Variants in AGMO observed in about 807,000 individuals in gnomAD.
The protein encoded by AGMO is alkylglycerol monooxygenase, also known as glyceryl-ether monooxygenase.
AGMO carries 75 observed loss-of-function variants against 60.2 expected under a neutral mutation model. The observed-to-expected ratio is 1.25, with a 90% confidence interval of 1.03 to 1.51. AGMO has a LOEUF of 1.51. Among genes scored for constraint, AGMO ranks in the 40% most tolerant of loss-of-function variants. The pLI, the probability that AGMO is intolerant of heterozygous loss-of-function variation, is 0.00. For synonymous variants in AGMO, 261 were observed against 177.1 expected (o/e 1.47, Z -3.76); for missense variants, 763 against 525.5 (o/e 1.45, Z -4.42).
chr7:15,328,395 C>G (rs116468535), intron 12 of AGMO, among the ~76,000 whole-genome samples: 1,547 of 152,276 alleles, frequency 0.01, 30 homozygotes, highest in African/African-American at 0.036. Flanking sequence ...CCACGCCCAG[C>G]CTGATTTCTT....
chr7:15,548,350 A>G (rs959232972), intron 2 of AGMO, among the ~76,000 whole-genome samples: 12 of 152,020 alleles, frequency 7.9e-5, no homozygotes, highest in Admixed American at 1.3e-4. Flanking sequence ...AGAAGGCTTC[A>G]GACGATCAAA....
chr7:15,159,968 C>T, the AGMO span, among the ~76,000 whole-genome samples: 7 of 152,258 alleles, frequency 4.6e-5, no homozygotes, highest in Admixed American at 1.3e-4. Context: ...CTACTGGGCA[C>T]TGGAAGCTAA....
chr7:15,556,739 A>G (rs1160774934), intron 2 of AGMO, among the ~76,000 whole-genome samples: 1 of 152,108 alleles, frequency 6.6e-6, no homozygotes, highest in Non-Finnish European at 1.5e-5. Flanking sequence ...TTTGGTAAAT[A>G]TTTTGTTAAA....
chr7:15,423,691 G>A (rs1305492916), intron 4 of AGMO, among the ~76,000 whole-genome samples: 2 of 152,184 alleles, frequency 1.3e-5, no homozygotes, highest in African/African-American at 4.8e-5. Flanking sequence ...ATTTAGACAC[G>A]GAGATAGACA....
At chr7:15,558,366 G>T (rs575710545) in intron 2 of AGMO, among the ~76,000 whole-genome samples, 2 of 152,044 alleles carry the variant, frequency 1.3e-5, no homozygotes, top group African/African-American at 4.8e-5. Flanking sequence ...CAGTTATTGG[G>T]TGACGTTTAT....
At chr7:15,202,243 C>G (rs1781309358) in intron 12 of AGMO, among the ~76,000 whole-genome samples, 2 of 151,878 alleles carry the variant, frequency 1.3e-5, no homozygotes, top group East Asian at 3.9e-4. Context: ...AAGAATATCA[C>G]TATACCTGGA....
chr7:15,354,439 TACACAC>T (rs1782414980), intron 12 of AGMO, among the ~76,000 whole-genome samples: 1 of 20,824 alleles, frequency 4.8e-5, no homozygotes, highest in Non-Finnish European at 7.5e-5. Flanking sequence ...CGTGTGTGTA[TACACAC>T]GTGTGTGTAT....
chr7:15,344,542 A>T (rs1238268897), intron 12 of AGMO, among the ~76,000 whole-genome samples: 4 of 152,118 alleles, frequency 2.6e-5, no homozygotes, highest in Admixed American at 2.6e-4. Context: ...TACCAAAAAT[A>T]CAAAAATTAG....
Position 15,337,451 on chromosome 7 carries a change from G to T in AGMO, c.1263+28063C>A, listed in dbSNP as rs1202704253. The stretch of plus-strand genomic sequence containing the variant: ...GGTCTGGTAGCCTTGCACAACTCAA[G>T]GAGACACTTGAAATCAATCCCAGCT... On this transcript the variant is annotated intron_variant, in intron 12 of 12. Transcript: ENST00000342526. Among the ~76,000 whole-genome samples the T allele has an allele frequency of 2.0e-5, 3 of 152,072 alleles. No homozygotes were observed. In the South Asian group the frequency reaches 6.2e-4, roughly 32 times the overall value.
intron 12 of AGMO, among the ~76,000 whole-genome samples, chr7:15,226,393 A>T (rs1265832571): frequency 6.6e-6 from 1 of 152,098 alleles, no homozygotes; most frequent in African/African-American, 2.4e-5. Flanking sequence ...TTAAGATGAC[A>T]ATATTTTTCT....
At chr7:15,196,738 A>C (rs1220484055), downstream of AGMO, among the ~76,000 whole-genome samples, 1 of 152,216 alleles carries the variant, frequency 6.6e-6, no homozygotes, top group East Asian at 1.9e-4. Flanking sequence ...CTGTAATGTA[A>C]ATCAAGACAA....
chr7:15,531,228 T>C (rs1301147195), intron 3 of AGMO, among the ~76,000 whole-genome samples: 6 of 83,942 alleles, frequency 7.1e-5, no homozygotes, highest in Middle Eastern at 0.015. Context: ...ATATATATTC[T>C]ATATATATAT....
At chr7:15,216,475 G>A (rs985339452) in intron 12 of AGMO, among the ~76,000 whole-genome samples, 1 of 151,958 alleles carries the variant, frequency 6.6e-6, no homozygotes, top group African/African-American at 2.4e-5. Context: ...TTTTCACACT[G>A]TAACAGTTAA....
intron 3 of AGMO, among the ~76,000 whole-genome samples, chr7:15,542,045 T>C (rs1205637586): frequency 1.3e-5 from 2 of 152,180 alleles, no homozygotes; most frequent in Non-Finnish European, 2.9e-5. Flanking sequence ...ATTTTGACAG[T>C]AATCCAAGAG....
At chr7:15,546,072 G>C (rs1784774751) in intron 2 of AGMO, among the ~76,000 whole-genome samples, 1 of 151,816 alleles carries the variant, frequency 6.6e-6, no homozygotes, top group African/African-American at 2.4e-5. Context: ...CTGTGAATTA[G>C]CATTTTACTG....
At chr7:15,257,864 T>G (rs1481430181) in intron 12 of AGMO, among the ~76,000 whole-genome samples, 1 of 152,166 alleles carries the variant, frequency 6.6e-6, no homozygotes, top group African/African-American at 2.4e-5. Flanking sequence ...ACCCACCCGT[T>G]TAATAGTTTA....
chr7:15,497,129 A>C (rs566432873), intron 3 of AGMO, among the ~76,000 whole-genome samples: 1 of 152,308 alleles, frequency 6.6e-6, no homozygotes, highest in African/African-American at 2.4e-5. Flanking sequence ...TGATTCCTAC[A>C]ATTAGCCAGT....
At chr7:15,356,134 A>T (rs1782522018) in intron 12 of AGMO, among the ~76,000 whole-genome samples, 1 of 152,206 alleles carries the variant, frequency 6.6e-6, no homozygotes, top group South Asian at 2.1e-4. Flanking sequence ...CACTTGGAAA[A>T]CAACTTGGCA....
chr7:15,312,223 A>T (rs1780787847), intron 12 of AGMO, among the ~76,000 whole-genome samples: 1 of 152,118 alleles, frequency 6.6e-6, no homozygotes, highest in African/African-American at 2.4e-5. Context: ...AAAAGCTGGA[A>T]GTCTTCTAGG....
Sources: allele counts gnomAD v4.1 joint callset (sites outside exome capture counted in the v4.1 genomes callset), GRCh38; gene constraint gnomAD v4.1.1; transcripts MANE v1.5; gene names NCBI Gene and HGNC (gene_info 2026-07-23, HGNC 2026-07-21).